The following COL28A1 variants were observed in gnomAD, a reference collection of about 807,000 sequenced individuals.
The protein encoded by COL28A1 is collagen alpha-1(XXVIII) chain.
In COL28A1, 161 loss-of-function variants were observed where a neutral mutation model predicts 150.2. That is an observed-to-expected ratio of 1.07 (90% CI 0.94 to 1.22). The LOEUF is 1.22. Ranked by LOEUF, COL28A1 falls within the 50% of genes most tolerant of loss-of-function variation. The pLI, the probability that COL28A1 is intolerant of heterozygous loss-of-function variation, is 0.00. For missense variants in COL28A1, 1,617 were observed against 1,388.3 expected (o/e 1.16, Z -2.62); for synonymous variants, 552 against 469.7 (o/e 1.18, Z -2.26).
chr7:7,362,062 G>A lies in COL28A1; in HGVS notation c.3067-1534C>T, dbSNP rs80321967. On this transcript the variant is annotated intron_variant, in intron 33 of 34. Transcript: ENST00000399429. ...GGGGCCTAGGGCAAGGAAAGCATTA[G>A]GAGAAATACCTAAAGTAGATTACAG... Among the ~76,000 whole-genome samples, 19 of 152,208 alleles carry A rather than the reference G, an allele frequency of 1.2e-4. No homozygotes were observed. In the East Asian group the frequency reaches 3.7e-3, roughly 29 times the overall value.
chr7:7,417,898 G>T lies in COL28A1; in HGVS notation c.2097C>A (p.Gly699=), dbSNP rs1017353101. The change falls in exon 27 of 35, where the codon GGC becomes GGA. Residue 699 remains glycine, a synonymous_variant. Transcript: ENST00000399429. ...KGDTGQKGLP[G]PPGPPGYGSQ... ...ATCCATAGCCAGGGGGGCCAGGAGGGCCAGGCAAGCCTTTCTGCCCAGTAT... is the reference window on the plus strand; with the variant it reads ...ATCCATAGCCAGGGGGGCCAGGAGGTCCAGGCAAGCCTTTCTGCCCAGTAT... 1.2e-6 allele frequency: 2 copies of T among 1,613,366 alleles called. No individual in the cohort carries two copies. Among genetic ancestry groups the T allele is most frequent in the Non-Finnish European group, 1.7e-6 (2 of 1,179,656 alleles).
chr7:7,427,803 T>C (rs1784729238), intron 25 of COL28A1, among the ~76,000 whole-genome samples: 1 of 152,286 alleles, frequency 6.6e-6, no homozygotes, highest in South Asian at 2.1e-4. Context: ...GTTTTGACAA[T>C]AGAAAAGCTA....
At chr7:7,359,297 A>C (rs996697891) in intron 34 of COL28A1, among the ~76,000 whole-genome samples, 1 of 152,186 alleles carries the variant, frequency 6.6e-6, no homozygotes, top group Non-Finnish European at 1.5e-5. Context: ...TTACAAAAAA[A>C]AAAAAAGTAA....
intron 25 of COL28A1, among the ~76,000 whole-genome samples, chr7:7,424,614 G>T (rs1316838588): frequency 6.6e-6 from 1 of 152,114 alleles, no homozygotes; most frequent in Non-Finnish European, 1.5e-5. Flanking sequence ...AGGAGATAAT[G>T]AACAGACGTG....
At chr7:7,383,682 G>GTGTATATATATATA (rs1554262302) in intron 27 of COL28A1, among the ~76,000 whole-genome samples, 22 of 124,098 alleles carry the variant, frequency 1.8e-4, no homozygotes, top group African/African-American at 3.3e-4. Context: ...GTGTGTGTGT[G>GTGTATATATATATA]TATATATATA....
chr7:7,438,096 G>A (rs1785478227), intron 21 of COL28A1, among the ~76,000 whole-genome samples: 1 of 151,226 alleles, frequency 6.6e-6, no homozygotes, highest in African/African-American at 2.4e-5. Context: ...AAAAAAAATA[G>A]CCAAAATTAG....
chr7:7,451,118 T>G (rs1291748016), intron 18 of COL28A1, among the ~76,000 whole-genome samples: 2 of 152,176 alleles, frequency 1.3e-5, no homozygotes, highest in African/African-American at 4.8e-5. Context: ...ATGTTTCTTT[T>G]AAAAAGTCTA....
chr7:7,533,819 T>C (rs1782499827), intron 1 of COL28A1, among the ~76,000 whole-genome samples: 1 of 152,136 alleles, frequency 6.6e-6, no homozygotes, highest in East Asian at 1.9e-4. Flanking sequence ...GCTGCCTCAG[T>C]ATACCCAAGA....
At chr7:7,464,594 T>C (rs1223361556) in intron 15 of COL28A1, among the ~76,000 whole-genome samples, 2 of 152,128 alleles carry the variant, frequency 1.3e-5, no homozygotes, top group Admixed American at 1.3e-4. Context: ...AGATGGAAAT[T>C]TAAAAATTCT....
At chr7:7,423,883 C>A (rs550978341) in intron 25 of COL28A1, among the ~76,000 whole-genome samples, 4 of 152,288 alleles carry the variant, frequency 2.6e-5, no homozygotes, top group East Asian at 3.9e-4. Context: ...TGAAGGCCAA[C>A]TGCAGTAGGA....
chr7:7,359,343 T>C (rs1407106524), intron 34 of COL28A1, among the ~76,000 whole-genome samples: 1 of 151,972 alleles, frequency 6.6e-6, no homozygotes, highest in Non-Finnish European at 1.5e-5. Flanking sequence ...ATTATAGTTT[T>C]AAAAGAGCAG....
chr7:7,504,964 T>TTC (rs1437438947), intron 11 of COL28A1, among the ~76,000 whole-genome samples: 2 of 152,216 alleles, frequency 1.3e-5, no homozygotes, highest in African/African-American at 4.8e-5. Context: ...TTATCAAAAC[T>TTC]TCTGCTCATC....
intron 33 of COL28A1, among the ~76,000 whole-genome samples, chr7:7,369,307 T>C (rs771621097): frequency 3.3e-5 from 5 of 152,230 alleles, no homozygotes; most frequent in African/African-American, 1.2e-4. Context: ...GGCAAACCAC[T>C]GTGGGCCAAA....
intron 8 of COL28A1, among the ~76,000 whole-genome samples, chr7:7,515,317 T>A (rs1781359732): frequency 6.6e-6 from 1 of 152,172 alleles, no homozygotes; most frequent in South Asian, 2.1e-4. Flanking sequence ...TACCTTTTGT[T>A]TGCTTGTTTG....
At chr7:7,445,496 T>C (rs1468201431) in intron 18 of COL28A1, among the ~76,000 whole-genome samples, 1 of 152,234 alleles carries the variant, frequency 6.6e-6, no homozygotes, top group Non-Finnish European at 1.5e-5. Flanking sequence ...ACTCAGTTCC[T>C]AGTACTTTCT....
chr7:7,371,772 G>A (rs1781231713), intron 32 of COL28A1, among the ~76,000 whole-genome samples: 1 of 152,200 alleles, frequency 6.6e-6, no homozygotes, highest in Admixed American at 6.5e-5. Context: ...TAATGTGAAA[G>A]GATAAACTTA....
At chr7:7,537,234 C>T (rs1782676382), upstream of COL28A1, among the ~76,000 whole-genome samples, 1 of 152,132 alleles carries the variant, frequency 6.6e-6, no homozygotes, top group Non-Finnish European at 1.5e-5. Context: ...GCAGTACTGT[C>T]AAAGGGCACT....
At chr7:7,477,445 A>C (rs1788990444) in intron 13 of COL28A1, among the ~76,000 whole-genome samples, 1 of 152,248 alleles carries the variant, frequency 6.6e-6, no homozygotes, top group Non-Finnish European at 1.5e-5. Context: ...AGTATACCAG[A>C]TGTGCATAGG....
intron 27 of COL28A1, among the ~76,000 whole-genome samples, chr7:7,382,190 G>T (rs1454622216): frequency 1.3e-5 from 2 of 151,956 alleles, no homozygotes; most frequent in African/African-American, 2.4e-5. Context: ...CGCACCTGTA[G>T]TCCCAGCTAT....
Sources: gnomAD v4.1 joint callset for allele counts (sites outside exome capture counted in the v4.1 genomes callset) on GRCh38, gnomAD v4.1.1 for gene constraint, MANE v1.5 for transcripts, NCBI Gene and HGNC (gene_info 2026-07-23, HGNC 2026-07-21) for gene names.